The following MCTP2 variants were observed in gnomAD, a reference collection of about 807,000 sequenced individuals.
MCTP2 encodes the protein multiple C2 and transmembrane domain-containing protein 2.
Under a neutral mutation model 111.6 loss-of-function variants are expected in MCTP2, and 132 were observed. The ratio of observed to expected loss-of-function variants is 1.18; its 90% CI spans 1.03 to 1.37. The LOEUF (loss-of-function observed/expected upper bound fraction) is 1.37. MCTP2 is among the 40% of genes most tolerant of loss of function. The probability of loss-of-function intolerance (pLI) is 0.00; values close to 1 mark genes in which losing one functional copy is unlikely to be tolerated. For synonymous variants in MCTP2, 395 were observed against 387.7 expected (o/e 1.02, Z -0.22); for missense variants, 1,183 against 1,067.9 (o/e 1.11, Z -1.50).
intron 2 of MCTP2, among the ~76,000 whole-genome samples, chr15:94,301,167 A>G (rs1033789258): frequency 3.3e-5 from 5 of 152,214 alleles, no homozygotes; most frequent in Admixed American, 3.3e-4. Flanking sequence ...AGTACAAAAC[A>G]AAGACCAAGA....
intron 12 of MCTP2, among the ~76,000 whole-genome samples, chr15:94,375,754 T>C (rs1004684465): frequency 1.3e-5 from 2 of 152,192 alleles, no homozygotes; most frequent in Non-Finnish European, 2.9e-5. Flanking sequence ...AAAATAAATA[T>C]GTTTCCAGAC....
intron 1 of MCTP2, chr15:94,273,997 C>T (rs559513929): frequency 2.7e-4 from 59 of 218,350 alleles, no homozygotes; most frequent in African/African-American, 1.3e-3. Context: ...TGAGAAAATG[C>T]AGGAATGAAT....
intron 4 of MCTP2, among the ~76,000 whole-genome samples, chr15:94,328,481 C>G (rs570754736): frequency 6.6e-6 from 1 of 152,132 alleles, no homozygotes; most frequent in Non-Finnish European, 1.5e-5. Context: ...TCAAGTCACT[C>G]TTTTAATGTA....
chr15:94,327,059 A>C (rs190033915), intron 4 of MCTP2, among the ~76,000 whole-genome samples: 80 of 152,102 alleles, frequency 5.3e-4, no homozygotes, highest in Non-Finnish European at 9.4e-4. Flanking sequence ...CATTTTTTAA[A>C]TTTGTCACTT....
At chr15:94,414,496 G>A (rs1294747694) in intron 17 of MCTP2, among the ~76,000 whole-genome samples, 1 of 152,130 alleles carries the variant, frequency 6.6e-6, no homozygotes, top group Non-Finnish European at 1.5e-5. Flanking sequence ...AGCAGTTCTT[G>A]AAAATGTTTA....
In MCTP2 at chr15:94,408,758, C is replaced by T. The variant is rs118120050; in HGVS notation, c.2085+6739C>T. Among the ~76,000 whole-genome samples the T allele has an allele frequency of 2.1e-3, 324 of 152,248 alleles. 7 individuals carry two copies. The East Asian group carries it at 0.04, about 19-fold the overall frequency. On this transcript the variant is annotated intron_variant, in intron 17 of 22. Coordinates refer to ENST00000357742, the MANE Select transcript of MCTP2 (RefSeq NM_001385001.1). ...ATTCCAGACAGAATCATAGCTAGAT[C>T]GACTGAAATCACTTATTCTTTTGGA...
intron 17 of MCTP2, chr15:94,402,423 G>T: frequency 1.3e-6 from 2 of 1,527,052 alleles, no homozygotes; most frequent in Non-Finnish European, 1.8e-6. Flanking sequence ...TGATATTAAA[G>T]ATGTTTATTC....
At chr15:94,243,913 G>A (rs1411517681) in intron 1 of MCTP2, among the ~76,000 whole-genome samples, 2 of 121,576 alleles carry the variant, frequency 1.6e-5, no homozygotes, top group African/African-American at 3.0e-5. Context: ...ATACATATGT[G>A]TATATATTTA....
intron 20 of MCTP2, among the ~76,000 whole-genome samples, chr15:94,462,571 G>C (rs1159244218): frequency 6.6e-6 from 1 of 152,210 alleles, no homozygotes; most frequent in Non-Finnish European, 1.5e-5. Flanking sequence ...TTGCTACTTA[G>C]TGTCTTTGAA....
intron 22 of MCTP2, among the ~76,000 whole-genome samples, chr15:94,478,175 G>A (rs533363517): frequency 4.6e-5 from 7 of 152,312 alleles, no homozygotes; most frequent in South Asian, 2.1e-4. Flanking sequence ...CACTTGGGTC[G>A]CAGTGTGAGT....
intron 10 of MCTP2, among the ~76,000 whole-genome samples, chr15:94,363,877 A>G (rs1363432593): frequency 6.6e-6 from 1 of 152,082 alleles, no homozygotes; most frequent in Non-Finnish European, 1.5e-5. Context: ...AACAGACCTA[A>G]TTGGTTCATG....
chr15:94,237,620 A>T (rs913257828), intron 1 of MCTP2, among the ~76,000 whole-genome samples: 1 of 152,304 alleles, frequency 6.6e-6, no homozygotes, highest in Non-Finnish European at 1.5e-5. Context: ...ATTTTACCCC[A>T]AAAGTATGTT....
At chr15:94,355,457 T>C (rs970076607) in intron 8 of MCTP2, among the ~76,000 whole-genome samples, 3 of 152,244 alleles carry the variant, frequency 2.0e-5, no homozygotes, top group Non-Finnish European at 4.4e-5. Context: ...CTCCAAGGTA[T>C]GTATGAGTGT....
chr15:94,311,980 C>A (rs909521257), intron 2 of MCTP2, among the ~76,000 whole-genome samples: 6 of 152,150 alleles, frequency 3.9e-5, no homozygotes, highest in African/African-American at 1.2e-4. Flanking sequence ...CATCATTATC[C>A]TTGGCTAATG....
intron 14 of MCTP2, among the ~76,000 whole-genome samples, chr15:94,398,175 G>T (rs889664268): frequency 6.6e-6 from 1 of 152,146 alleles, no homozygotes; most frequent in African/African-American, 2.4e-5. Context: ...TTGAAGATTT[G>T]TTGGCACTTT....
chr15:94,306,709 A>G (rs1475873846), intron 2 of MCTP2, among the ~76,000 whole-genome samples: 2 of 152,226 alleles, frequency 1.3e-5, no homozygotes, highest in Admixed American at 1.3e-4. Flanking sequence ...AAATTCCACA[A>G]TGGGGTATGT....
intron 17 of MCTP2, chr15:94,402,532 C>T (rs757131026): frequency 6.4e-7 from 1 of 1,551,778 alleles, no homozygotes. Flanking sequence ...ACCCTTTTCT[C>T]TGGTGACATT....
chr15:94,394,233 C>A (rs2081160913), intron 14 of MCTP2, among the ~76,000 whole-genome samples: 1 of 151,900 alleles, frequency 6.6e-6, no homozygotes, highest in Non-Finnish European at 1.5e-5. Flanking sequence ...CTTAACTTAT[C>A]TTATCTGTCT....
At chr15:94,473,761 G>A (rs1037405720) in intron 21 of MCTP2, among the ~76,000 whole-genome samples, 1 of 152,192 alleles carries the variant, frequency 6.6e-6, no homozygotes, top group Non-Finnish European at 1.5e-5. Flanking sequence ...AAGACACTCA[G>A]AATTTGATAA....
Sources: gnomAD v4.1 joint callset for allele counts (sites outside exome capture counted in the v4.1 genomes callset) on GRCh38, gnomAD v4.1.1 for gene constraint, MANE v1.5 for transcripts, NCBI Gene and HGNC (gene_info 2026-07-23, HGNC 2026-07-21) for gene names.